BRD8: variants seen among roughly 807,000 people sequenced by gnomAD.
The protein encoded by BRD8 is bromodomain containing 8.
Under a neutral mutation model 143.1 loss-of-function variants are expected in BRD8, and 67 were observed. The observed-to-expected ratio is 0.47, with a 90% confidence interval of 0.38 to 0.57. The LOEUF (loss-of-function observed/expected upper bound fraction) is 0.57, where lower values mean the gene tolerates loss of function less well. Ranked by LOEUF, BRD8 falls within the 20% of genes least tolerant of loss-of-function variation. BRD8 has a pLI of 0.00. For synonymous variants in BRD8, 505 were observed against 517.1 expected (o/e 0.98, Z 0.32); for missense variants, 1,103 against 1,503.0 (o/e 0.73, Z 4.40).
chr5:138,148,209 C>T (rs998695860), intron 23 of BRD8, among the ~76,000 whole-genome samples: 2 of 146,936 alleles, frequency 1.4e-5, no homozygotes, highest in Non-Finnish European at 3.0e-5. Flanking sequence ...AGGGTCAGTG[C>T]ATAAATCTCA....
Position 138,160,998 on chromosome 5 carries a change from G to T in BRD8, c.2320C>A (p.Arg774Ser), listed in dbSNP as rs1181857472. Reference sequence around the variant, plus strand: ...TTCTGAAACATCAGCATAATGTCACGCTGAAATTCAGCTGTGCTTCGGATC... The same window carrying T: ...TTCTGAAACATCAGCATAATGTCACTCTGAAATTCAGCTGTGCTTCGGATC... ...GLIRSTAEFQ[R>S]DIMLMFQNAV... is the part of the protein sequence containing the mutation. The change falls in exon 18 of 27, where the codon CGT (arginine) becomes AGT (serine). Residue 774 changes from arginine to serine, a missense_variant. Around this residue, in one of 7 missense-constraint regions of BRD8, gnomAD observed 64 missense variants for 211.3 expected, o/e 0.30. Transcript: ENST00000254900. 6.2e-7 allele frequency: 1 copy of T among 1,613,612 alleles called. No individual in the cohort carries two copies. The highest frequency in any genetic ancestry group is 2.2e-5 in the East Asian group (1 of 44,866).
At chr5:138,145,576 C>T (rs972318666) in intron 24 of BRD8, among the ~76,000 whole-genome samples, 16 of 152,182 alleles carry the variant, frequency 1.1e-4, no homozygotes, top group African/African-American at 3.9e-4. Flanking sequence ...GAACCAATTT[C>T]TAGAGGCAAC....
At chr5:138,149,537 A>C in intron 23 of BRD8, 103 bp downstream of exon 23, 1 of 1,061,094 alleles carries the variant, frequency 9.4e-7, no homozygotes, top group Non-Finnish European at 1.3e-6. Context: ...GTGTTTTCCA[A>C]CTCTAATTTT....
chr5:138,150,984 A>C lies in BRD8; in HGVS notation c.2881T>G (p.Cys961Gly). 1 of 1,613,248 alleles carries C rather than the reference A, an allele frequency of 6.2e-7. No individual in the cohort carries two copies. The highest frequency in any genetic ancestry group is 8.5e-7 in the Non-Finnish European group (1 of 1,179,930). ...SEVAYLMEPL[C>G]ISSNESSEGC... ...TCACTTGATTCGTTGCTGCTGATGCACAAGGGCTCCATTAAATAAGCTACC... is the reference window on the plus strand; with the variant it reads ...TCACTTGATTCGTTGCTGCTGATGCCCAAGGGCTCCATTAAATAAGCTACC... The change falls in exon 22 of 27, where the codon TGC becomes GGC. Residue 961 changes from cysteine (C) to glycine (G), a missense_variant. By Grantham distance (159) the Cys-to-Gly change is radical. Coordinates refer to ENST00000254900, the MANE Select transcript of BRD8 (RefSeq NM_139199.2).
chr5:138,169,346 A>G lies in BRD8; in HGVS notation c.518T>C (p.Val173Ala). The G allele has an allele frequency of 6.2e-7, 1 of 1,613,884 alleles. No homozygotes were observed. Among genetic ancestry groups the G allele is most frequent in the South Asian group, 1.1e-5 (1 of 91,022 alleles). ...TDAAYQARQA[V>A]KTPPRRLPTV... ...GGGTAACCTCCGGGGGGGTGTTTTT[A>G]CTGCTTGACGAGCTAGAACATAAAA... The change falls in exon 8 of 27, where the codon GTA becomes GCA. Residue 173 changes from valine (V) to alanine (A), a missense_variant. Val to Ala is a moderately conservative substitution (Grantham distance 64, BLOSUM62 0). This residue lies in a region of BRD8 where 334 missense variants were observed against 372.5 expected (regional missense o/e 0.90). Transcript: ENST00000254900.
intron 21 of BRD8, among the ~76,000 whole-genome samples, 169 bp from the exon 22 acceptor site, chr5:138,151,177 C>A (rs1428706962): frequency 6.6e-6 from 1 of 152,202 alleles, no homozygotes; most frequent in Non-Finnish European, 1.5e-5. Context: ...TATACACAGG[C>A]ACTGGGCTGG....
At chr5:138,176,269 T>C (rs954585658) in intron 2 of BRD8, among the ~76,000 whole-genome samples, 9 of 151,842 alleles carry the variant, frequency 5.9e-5, no homozygotes, top group Non-Finnish European at 1.3e-4. Flanking sequence ...TCCATTTGTA[T>C]GAAATATCCA....
Position 138,145,152 on chromosome 5 carries a change from C to CT in BRD8, c.3437+24dup, listed in dbSNP as rs1752097882. 9 of 1,594,372 alleles carry CT rather than the reference C, an allele frequency of 5.6e-6. No homozygotes were observed. The East Asian group carries it at 2.0e-4, about 36-fold the overall frequency. The stretch of plus-strand genomic sequence containing the variant: ...AAAGGCAGATATAAAAGCAACCAAC[C>CT]TTTCTTGACCCCTTTTTCACTGACC... On this transcript the variant is annotated intron_variant, in intron 25 of 26. Coordinates refer to ENST00000254900, the MANE Select transcript of BRD8 (RefSeq NM_139199.2).
chr5:138,145,328 C>A, intron 24 of BRD8, 83 bp from the exon 25 acceptor site: 2 of 1,249,774 alleles, frequency 1.6e-6, no homozygotes, highest in South Asian at 1.3e-5. Flanking sequence ...TCTTAGTAGA[C>A]TTCCTTTAGG....
At chr5:138,167,199 T>G (rs1581443759) in intron 9 of BRD8, among the ~76,000 whole-genome samples, 1 of 141,662 alleles carries the variant, frequency 7.1e-6, no homozygotes. Context: ...ACGCAGGAGG[T>G]GGAGATTGCA....
rs142224869 is a variant in BRD8, at chr5:138,165,009, G to A, written c.1436C>T (p.Thr479Met). 409 of 1,613,984 alleles carry A rather than the reference G, an allele frequency of 2.5e-4. No individual in the cohort carries two copies. The highest frequency in any genetic ancestry group is 3.2e-4 in the Non-Finnish European group (372 of 1,180,040). Residue 479 changes from threonine (T) to methionine (M), a missense_variant, in exon 12 of 27, where the codon ACG becomes ATG. Around this residue, in one of 7 missense-constraint regions of BRD8, gnomAD observed 53 missense variants for 101.4 expected, o/e 0.52. Transcript: ENST00000254900. Reference protein sequence around the residue: ...KPVPLPAPEMTVKQERLDFEE... With the variant: ...KPVPLPAPEMMVKQERLDFEE... The stretch of plus-strand genomic sequence containing the variant: ...AAAGTCCAGTCTCTCTTGCTTGACC[G>A]TCATTTCTGGTGCAGGGAGAGGTAC...
intron 24 of BRD8, 118 bp from the exon 25 acceptor site, chr5:138,145,363 A>G (rs919434850): frequency 1.3e-6 from 1 of 798,420 alleles, no homozygotes; most frequent in African/African-American, 1.7e-5. Flanking sequence ...CAGCACCATT[A>G]GGAAAAAATC....
chr5:138,140,275 A>G, intron 26 of BRD8, 109 bp from the exon 27 acceptor site: 1 of 780,040 alleles, frequency 1.3e-6, no homozygotes, highest in Non-Finnish European at 2.1e-6. Flanking sequence ...TCTTTAAAGT[A>G]TGATGCTACC....
intron 22 of BRD8, 104 bp from the exon 23 acceptor site, chr5:138,149,901 G>T: frequency 9.4e-7 from 1 of 1,068,480 alleles, no homozygotes; most frequent in Non-Finnish European, 1.3e-6. Flanking sequence ...GTGAGAAGAG[G>T]TCAATTACAT....
chr5:138,162,226 G>C, intron 15 of BRD8, 80 bp from the exon 16 acceptor site: 1 of 1,104,574 alleles, frequency 9.1e-7, no homozygotes, highest in Non-Finnish European at 1.3e-6. Flanking sequence ...TTGAGACAGG[G>C]TCTCACTCTG....
Position 138,160,788 on chromosome 5 carries a change from T to C in BRD8, c.2427+103A>G, listed in dbSNP as rs1416119102. 2.9e-6 allele frequency: 3 copies of C among 1,017,018 alleles called. No homozygotes were observed. The African/African-American group carries it at 4.9e-5, about 17-fold the overall frequency. 63.0% of individuals were successfully genotyped at this position (1,017,018 alleles called of 1,614,324 possible). A position where few individuals can be genotyped will look rare whatever the true frequency, so the allele number is the denominator to read the frequency against. ...TTTTCAATTGTGTCCCTGACAGCTA[T>C]CCACGTAAAAGCCACAGCAACCCTT... On this transcript the variant is annotated intron_variant, in intron 18 of 26. Coordinates refer to ENST00000254900, the MANE Select transcript of BRD8 (RefSeq NM_139199.2).
chr5:138,160,779 T>C lies in BRD8; in HGVS notation c.2427+112A>G. 3.2e-6 allele frequency: 3 copies of C among 924,600 alleles called. No individual in the cohort carries two copies. The South Asian group carries it at 7.8e-5, about 24-fold the overall frequency. The allele number at this position is 924,600 out of a possible 1,614,324, so 57.3% of individuals were successfully genotyped here. A position where few individuals can be genotyped will look rare whatever the true frequency, so the allele number is the denominator to read the frequency against. Reference sequence around the variant, plus strand: ...AATATTATGTTTTCAATTGTGTCCCTGACAGCTATCCACGTAAAAGCCACA... The same window carrying C: ...AATATTATGTTTTCAATTGTGTCCCCGACAGCTATCCACGTAAAAGCCACA... On this transcript the variant is annotated intron_variant, in intron 18 of 26. Coordinates refer to ENST00000254900, the MANE Select transcript of BRD8 (RefSeq NM_139199.2).
rs1050297146 is a variant in BRD8, at chr5:138,171,260, T to A, written c.237-100A>T. The A allele has an allele frequency of 5.7e-6, 8 of 1,413,476 alleles. No homozygotes were observed. The Admixed American group carries it at 1.5e-4, about 26-fold the overall frequency. 87.6% of individuals were successfully genotyped at this position (1,413,476 alleles called of 1,614,324 possible). A position where few individuals can be genotyped will look rare whatever the true frequency, so the allele number is the denominator to read the frequency against. On this transcript the variant is annotated intron_variant, in intron 4 of 26. Transcript: ENST00000254900. ...ACTTAATCATAGATAACTTCTGCTATTTTTTAATCATCCAGTATCATAACT... is the reference window on the plus strand; with the variant it reads ...ACTTAATCATAGATAACTTCTGCTAATTTTTAATCATCCAGTATCATAACT...
intron 10 of BRD8, 117 bp from the exon 11 acceptor site, chr5:138,166,225 G>C (rs1481967604): frequency 3.5e-5 from 27 of 764,856 alleles, no homozygotes; most frequent in Admixed American, 2.4e-5. Flanking sequence ...AGGTCAGAAA[G>C]AGTCATCAAC....
Sources: allele counts gnomAD v4.1 joint callset (sites outside exome capture counted in the v4.1 genomes callset), GRCh38; gene constraint gnomAD v4.1.1; regional missense constraint gnomAD v4.1.1; transcripts MANE v1.5; gene names NCBI Gene and HGNC (gene_info 2026-07-23, HGNC 2026-07-21).